Variants in GCNT1 observed in about 807,000 individuals in gnomAD.
The protein encoded by GCNT1 is glucosaminyl (N-acetyl) transferase 1.
A neutral mutation model predicts 26.2 loss-of-function variants in GCNT1; 16 were observed. That is an observed-to-expected ratio of 0.61 (90% CI 0.41 to 0.93). The LOEUF is 0.93. GCNT1 is among the 40% of genes least tolerant of loss of function. GCNT1 has a pLI of 0.00. For synonymous variants in GCNT1, 183 were observed against 190.8 expected, an observed-to-expected ratio of 0.96 and a Z score of 0.34; for missense variants, 477 against 526.7, an observed-to-expected ratio of 0.91 and a Z score of 0.92.
At chr9:76,422,547 T>A (rs1176670622) in intron 1 of GCNT1, among the ~76,000 whole-genome samples, 1 of 152,228 alleles carries the variant, frequency 6.6e-6, no homozygotes, top group African/African-American at 2.4e-5. Context: ...GTTTTCATTT[T>A]GTTTTGGTTT....
intron 1 of GCNT1, among the ~76,000 whole-genome samples, chr9:76,446,616 C>T (rs1823581833): frequency 6.6e-6 from 1 of 152,246 alleles, no homozygotes; most frequent in East Asian, 1.9e-4. Flanking sequence ...AAGACATTCA[C>T]TGTAGCATTG....
chr9:76,493,856 T>C (rs1188077238), intron 2 of GCNT1, among the ~76,000 whole-genome samples: 1 of 152,142 alleles, frequency 6.6e-6, no homozygotes, highest in Non-Finnish European at 1.5e-5. Context: ...CAGGATAGTA[T>C]TGTAATTTCT....
chr9:76,442,890 A>C (rs928324344), intron 1 of GCNT1, among the ~76,000 whole-genome samples: 2 of 145,888 alleles, frequency 1.4e-5, no homozygotes, highest in African/African-American at 4.9e-5. Flanking sequence ...GAATATACTA[A>C]AGCCAAAATG....
intron 1 of GCNT1, among the ~76,000 whole-genome samples, chr9:76,445,904 C>T (rs10869780): frequency 0.8 from 121,630 of 151,896 alleles, 49,801 homozygotes; most frequent in African/African-American, 0.94. Context: ...CTCTTAAGCC[C>T]AGAAGTTTGA....
At chr9:76,451,430 A>T (rs1360179133) in intron 1 of GCNT1, among the ~76,000 whole-genome samples, 1 of 152,172 alleles carries the variant, frequency 6.6e-6, no homozygotes, top group East Asian at 1.9e-4. Flanking sequence ...TAAGCCTCCT[A>T]CATGGGGTGA....
At chr9:76,440,217 TTCTC>T (rs1339212074), upstream of GCNT1, among the ~76,000 whole-genome samples, 1 of 152,186 alleles carries the variant, frequency 6.6e-6, no homozygotes, top group Non-Finnish European at 1.5e-5. Flanking sequence ...CCACATCACC[TTCTC>T]TCTGAATTTT....
chr9:76,401,981 G>A, the GCNT1 span, among the ~76,000 whole-genome samples: 1 of 152,238 alleles, frequency 6.6e-6, no homozygotes, highest in African/African-American at 2.4e-5. Context: ...GTGGCAAATT[G>A]TGGGAAGGCA....
At chr9:76,465,162 T>A (rs138914970) in intron 2 of GCNT1, among the ~76,000 whole-genome samples, 1 of 151,884 alleles carries the variant, frequency 6.6e-6, no homozygotes, top group Non-Finnish European at 1.5e-5. Context: ...TGAGTTTTTT[T>A]TTTTTTATTT....
At chr9:76,476,014 G>C (rs1049263134) in intron 2 of GCNT1, among the ~76,000 whole-genome samples, 2 of 152,184 alleles carry the variant, frequency 1.3e-5, no homozygotes, top group Non-Finnish European at 2.9e-5. Context: ...GGAAGGAGTT[G>C]AGCTGGATTT....
At chr9:76,488,369 C>T (rs1347049573) in intron 2 of GCNT1, among the ~76,000 whole-genome samples, 1 of 152,086 alleles carries the variant, frequency 6.6e-6, no homozygotes, top group African/African-American at 2.4e-5. Context: ...TATGGTAGGT[C>T]TCCTGATCTA....
intron 2 of GCNT1, among the ~76,000 whole-genome samples, chr9:76,488,646 C>T (rs769365041): frequency 2.0e-5 from 3 of 152,036 alleles, no homozygotes; most frequent in East Asian, 1.9e-4. Context: ...CACCATGCCC[C>T]GCTAATTTTT....
chr9:76,397,508 A>G, the GCNT1 span, among the ~76,000 whole-genome samples: 2 of 150,164 alleles, frequency 1.3e-5, no homozygotes, highest in Non-Finnish European at 3.0e-5. Context: ...CAGTGGCGCA[A>G]TCTCGGCTCA....
intron 2 of GCNT1, among the ~76,000 whole-genome samples, chr9:76,484,630 T>G (rs1824516466): frequency 6.6e-6 from 1 of 152,126 alleles, no homozygotes; most frequent in African/African-American, 2.4e-5. Context: ...GCGCCGTATA[T>G]AACACAGAGG....
At chr9:76,443,992 A>AGGGAG (rs1823530184) in intron 1 of GCNT1, among the ~76,000 whole-genome samples, 1 of 150,814 alleles carries the variant, frequency 6.6e-6, no homozygotes, top group African/African-American at 2.4e-5. Flanking sequence ...GAAGGAAGGA[A>AGGGAG]GAAAAAAAGA....
At chr9:76,456,285 AGTTTCTTAGATTT>A (rs1183264279), upstream of GCNT1, among the ~76,000 whole-genome samples, 2 of 152,092 alleles carry the variant, frequency 1.3e-5, no homozygotes, top group Non-Finnish European at 2.9e-5. Context: ...AGCTGGTTCC[AGTTTCTTAGATTT>A]GTTTGTTTGT....
At chr9:76,394,221 G>C in the GCNT1 span, 2 of 1,539,972 alleles carry the variant, frequency 1.3e-6, no homozygotes, top group East Asian at 5.0e-5. Flanking sequence ...CGCGTCCTGC[G>C]GAGCCGCCGT....
At chr9:76,489,355 C>G (rs1400748904) in intron 2 of GCNT1, among the ~76,000 whole-genome samples, 1 of 152,172 alleles carries the variant, frequency 6.6e-6, no homozygotes, top group Admixed American at 6.5e-5. Context: ...AGCCGCAGAC[C>G]TTTGCAGTGA....
At chr9:76,449,723 A>T (rs1289314830) in intron 1 of GCNT1, among the ~76,000 whole-genome samples, 1 of 151,906 alleles carries the variant, frequency 6.6e-6, no homozygotes, top group Non-Finnish European at 1.5e-5. Context: ...CCTCTTTGGG[A>T]TTTTCACTTT....
the GCNT1 span, chr9:76,399,140 T>C: frequency 6.6e-7 from 1 of 1,509,408 alleles, no homozygotes; most frequent in Non-Finnish European, 9.1e-7. Flanking sequence ...CATTGCTCTG[T>C]GTAACACAGA....
Sources: gnomAD v4.1 joint callset for allele counts (sites outside exome capture counted in the v4.1 genomes callset) on GRCh38, gnomAD v4.1.1 for gene constraint, MANE v1.5 for transcripts, NCBI Gene and HGNC (gene_info 2026-07-23, HGNC 2026-07-21) for gene names.